Variants in SLC4A10 observed in about 807,000 individuals in gnomAD.
The protein encoded by SLC4A10 is solute carrier family 4 member 10.
A neutral mutation model predicts 137.7 loss-of-function variants in SLC4A10; 42 were observed. The observed-to-expected ratio is 0.30, with a 90% CI of 0.24 to 0.39. The LOEUF is 0.39. Ranked by LOEUF, SLC4A10 falls within the 10% of genes least tolerant of loss-of-function variation. SLC4A10 has a pLI of 1.00. For missense variants in SLC4A10, 925 were observed against 1,355.0 expected (o/e 0.68, Z 4.98); for synonymous variants, 474 against 464.1 (o/e 1.02, Z -0.27).
chr2:161,839,807 T>C lies in SLC4A10; in HGVS notation c.296T>C (p.Val99Ala). 1 of 1,613,640 alleles carries C rather than the reference T, an allele frequency of 6.2e-7. No homozygotes were observed. Among genetic ancestry groups the C allele is most frequent in the Non-Finnish European group, 8.5e-7 (1 of 1,179,766 alleles). ...SPSFDTPSQR[V>A]QFILGTEDDD... ...TTTTTAGACACCCCATCACAGAGGG[T>C]ACAGTTTATTCTTGGAACCGAGGAT... The change falls in exon 4 of 27, where the codon GTA becomes GCA. Residue 99 changes from valine (V) to alanine (A), a missense_variant. By Grantham distance (64) the Val-to-Ala change is moderately conservative. Around this residue, in one of 11 missense-constraint regions of SLC4A10, gnomAD observed 138 missense variants for 171.3 expected, o/e 0.81. Transcript: ENST00000446997.
At chr2:161,678,477 G>A (rs1290473916) in intron 1 of SLC4A10, among the ~76,000 whole-genome samples, 1 of 152,062 alleles carries the variant, frequency 6.6e-6, no homozygotes, top group Non-Finnish European at 1.5e-5. Flanking sequence ...AACTCTTATT[G>A]AGCTATAATA....
chr2:161,662,072 G>T (rs1515183), intron 1 of SLC4A10, among the ~76,000 whole-genome samples: 118,254 of 151,944 alleles, frequency 0.78, 46,503 homozygotes, highest in East Asian at 0.85. Flanking sequence ...TCTCCCTCAT[G>T]CAGTAATCTA....
intron 1 of SLC4A10, among the ~76,000 whole-genome samples, chr2:161,683,191 G>A (rs535223719): frequency 6.6e-6 from 1 of 152,192 alleles, no homozygotes; most frequent in Non-Finnish European, 1.5e-5. Flanking sequence ...AAGTAGATCA[G>A]CTTGAGTTAT....
At chr2:161,733,143 A>T (rs1034477983) in intron 1 of SLC4A10, among the ~76,000 whole-genome samples, 8 of 152,216 alleles carry the variant, frequency 5.3e-5, no homozygotes, top group Non-Finnish European at 7.3e-5. Flanking sequence ...ATAAGTAATG[A>T]GGAGCCGCAT....
At position 161,660,660 on chromosome 2, in the gene SLC4A10, C is replaced by CT. The variant is rs1558970089; in HGVS notation, c.48+36094_48+36095insT. ...TCTTTCCTTCTTTCTTTCTTTCTTT[C>CT]CTTTTTTTTTTGAGACAGCGTCTTG... On this transcript the variant is annotated intron_variant, in intron 1 of 26. Transcript: ENST00000446997. 8.8e-4 allele frequency among the ~76,000 whole-genome samples: 82 copies of CT among 93,398 alleles called. 5 individuals are homozygous for CT. The highest frequency in any genetic ancestry group is 2.6e-3 in the Admixed American group (24 of 9,122). 61.3% of individuals were successfully genotyped at this position (93,398 alleles called of 152,430 possible). A position where few individuals can be genotyped will look rare whatever the true frequency, so the allele number is the denominator to read the frequency against.
At chr2:161,965,280 C>T in intron 23 of SLC4A10, 107 bp downstream of exon 23, 1 of 1,163,818 alleles carries the variant, frequency 8.6e-7, no homozygotes, top group Non-Finnish European at 1.2e-6. Flanking sequence ...TGTCTTTAGA[C>T]AGTGATCACT....
Position 161,965,187 on chromosome 2 carries a change from C to A in SLC4A10, c.3159+14C>A. The stretch of plus-strand genomic sequence containing the variant: ...GCTGAAAAAGAAGTAAGAGCAAAAT[C>A]AATGTTTTATAAAGAAAGAAAAAAG... On this transcript the variant is annotated intron_variant, in intron 23 of 26. Transcript: ENST00000446997. 2 of 1,595,030 alleles carry A rather than the reference C, an allele frequency of 1.3e-6. No individual in the cohort carries two copies. Among genetic ancestry groups the A allele is most frequent in the South Asian group, 2.3e-5 (2 of 88,498 alleles).
chr2:161,778,187 T>C (rs1377193681), intron 2 of SLC4A10, among the ~76,000 whole-genome samples: 1 of 151,940 alleles, frequency 6.6e-6, no homozygotes, highest in Non-Finnish European at 1.5e-5. Context: ...CAATGCCAAA[T>C]TAACACCTTC....
Position 161,983,884 on chromosome 2 carries a change from T to C in SLC4A10, c.*732T>C, listed in dbSNP as rs1392310654. 1 of 152,216 alleles carries C rather than the reference T, an allele frequency of 6.6e-6. No homozygotes were observed. Among genetic ancestry groups the C allele is most frequent in the African/African-American group, 2.4e-5 (1 of 41,462 alleles). 9.4% of individuals were successfully genotyped at this position (152,216 alleles called of 1,614,324 possible). A position where few individuals can be genotyped will look rare whatever the true frequency, so the allele number is the denominator to read the frequency against. The stretch of plus-strand genomic sequence containing the variant: ...AAGTAGTATTTGCTTAAAATTCAAG[T>C]TGTGACTAATGATCAAATACTAGGC... On this transcript the variant is annotated 3_prime_UTR_variant, in exon 27 of 27. Coordinates refer to ENST00000446997, the MANE Select transcript of SLC4A10 (RefSeq NM_001178015.2).
chr2:161,803,244 G>A (rs1424157767), intron 2 of SLC4A10, among the ~76,000 whole-genome samples: 1 of 151,992 alleles, frequency 6.6e-6, no homozygotes, highest in African/African-American at 2.4e-5. Context: ...TAAAAATACT[G>A]CACAGAAAGT....
intron 3 of SLC4A10, among the ~76,000 whole-genome samples, chr2:161,805,084 A>G (rs1346595782): frequency 6.6e-6 from 1 of 152,184 alleles, no homozygotes; most frequent in Non-Finnish European, 1.5e-5. Flanking sequence ...AAGCCTCACA[A>G]TTATGGTGGA....
At chr2:161,625,398 G>A (rs1020695022) in intron 1 of SLC4A10, among the ~76,000 whole-genome samples, 1 of 151,418 alleles carries the variant, frequency 6.6e-6, no homozygotes, top group Admixed American at 6.6e-5. Context: ...TGCTGTTTCT[G>A]TGTTTAAGGA....
intron 10 of SLC4A10, among the ~76,000 whole-genome samples, chr2:161,884,998 T>G (rs72881071): frequency 0.068 from 10,390 of 152,044 alleles, 455 homozygotes; most frequent in East Asian, 0.13. Flanking sequence ...GCCAACATGG[T>G]GAAACCTCGT....
intron 1 of SLC4A10, among the ~76,000 whole-genome samples, chr2:161,735,063 T>A (rs187380705): frequency 6.6e-6 from 1 of 151,844 alleles, no homozygotes; most frequent in African/African-American, 2.4e-5. Flanking sequence ...CATGAGAAAC[T>A]GTGAGTCAAT....
rs1282573195 is a variant in SLC4A10, at chr2:161,738,831, C to G, written c.49-32142C>G. Among the ~76,000 whole-genome samples, 6 of 152,148 alleles carry G rather than the reference C, an allele frequency of 3.9e-5. No individual in the cohort carries two copies. In the South Asian group the frequency reaches 1.2e-3, roughly 32 times the overall value. ...CTAGACTGCAAACAGCAGTATCAGT[C>G]TAGCAAATGCCTCCCTCTTAGTCCA... On this transcript the variant is annotated intron_variant, in intron 1 of 26. Coordinates refer to ENST00000446997, the MANE Select transcript of SLC4A10 (RefSeq NM_001178015.2).
At chr2:161,929,957 G>C (rs976838014) in intron 15 of SLC4A10, among the ~76,000 whole-genome samples, 12 of 152,008 alleles carry the variant, frequency 7.9e-5, no homozygotes, top group African/African-American at 2.9e-4. Context: ...ATACATATTT[G>C]TTATCTAAGT....
At chr2:161,741,726 G>A (rs2047920138) in intron 1 of SLC4A10, among the ~76,000 whole-genome samples, 1 of 152,098 alleles carries the variant, frequency 6.6e-6, no homozygotes, top group South Asian at 2.1e-4. Context: ...TGGGGTACAT[G>A]AGGTATTTTG....
intron 6 of SLC4A10, among the ~76,000 whole-genome samples, chr2:161,871,400 GA>G (rs36048466): frequency 0.99 from 149,927 of 151,264 alleles, 74,313 homozygotes; most frequent in East Asian, 1. Flanking sequence ...TCATTTCACA[GA>G]AAAAAAAAAG....
At chr2:161,948,747 T>C (rs964150319) in intron 17 of SLC4A10, among the ~76,000 whole-genome samples, 1 of 152,116 alleles carries the variant, frequency 6.6e-6, no homozygotes, top group African/African-American at 2.4e-5. Context: ...TTATGATGCT[T>C]CAAGTTTATC....
Sources: allele counts gnomAD v4.1 joint callset (sites outside exome capture counted in the v4.1 genomes callset), GRCh38; gene constraint gnomAD v4.1.1; regional missense constraint gnomAD v4.1.1; transcripts MANE v1.5; gene names NCBI Gene and HGNC (gene_info 2026-07-23, HGNC 2026-07-21).